Variants in LIPI observed in about 807,000 individuals in gnomAD.
LIPI encodes lipase I.
LIPI carries 59 observed loss-of-function variants against 50.6 expected under a neutral mutation model. The observed-to-expected ratio is 1.16, with a 90% CI of 0.94 to 1.45. The LOEUF (loss-of-function observed/expected upper bound fraction) is 1.45. Ranked by LOEUF, LIPI falls within the 40% of genes most tolerant of loss-of-function variation. The pLI is 0.00. For synonymous variants in LIPI, 203 were observed against 178.2 expected (o/e 1.14, Z -1.11); for missense variants, 586 against 536.3 (o/e 1.09, Z -0.92).
chr21:14,136,057 C>T (rs1287430499), intron 9 of LIPI, among the ~76,000 whole-genome samples: 1 of 152,178 alleles, frequency 6.6e-6, no homozygotes, highest in Non-Finnish European at 1.5e-5. Context: ...CATTTCTAGA[C>T]ATGCCCTGGC....
intron 9 of LIPI, among the ~76,000 whole-genome samples, chr21:14,135,196 C>A (rs920073331): frequency 1.3e-5 from 2 of 152,130 alleles, no homozygotes; most frequent in African/African-American, 2.4e-5. Flanking sequence ...CAGTTGACAT[C>A]ACTAATCATC....
chr21:14,161,877 ATATAT>A (rs1281985350), intron 7 of LIPI, among the ~76,000 whole-genome samples: 5 of 126,152 alleles, frequency 4.0e-5, no homozygotes, highest in African/African-American at 5.8e-5. Context: ...ATAATATAAC[ATATAT>A]TATATTAATA....
At chr21:14,204,317 G>A (rs1470868111) in intron 1 of LIPI, among the ~76,000 whole-genome samples, 1 of 150,486 alleles carries the variant, frequency 6.6e-6, no homozygotes, top group Non-Finnish European at 1.5e-5. Context: ...GGTTTGGGAG[G>A]AGAGAGAGAA....
At chr21:14,124,618 T>C (rs2016986043) in intron 9 of LIPI, among the ~76,000 whole-genome samples, 1 of 152,232 alleles carries the variant, frequency 6.6e-6, no homozygotes, top group Non-Finnish European at 1.5e-5. Context: ...TGTAAAAGAC[T>C]GATCAACTGC....
intron 4 of LIPI, among the ~76,000 whole-genome samples, chr21:14,178,265 C>A (rs2019159399): frequency 6.6e-6 from 1 of 152,052 alleles, no homozygotes; most frequent in Non-Finnish European, 1.5e-5. Flanking sequence ...GAGATAATAT[C>A]TCTTTAAATA....
chr21:14,210,601 A>T (rs1185978033), intron 1 of LIPI, among the ~76,000 whole-genome samples, 199 bp downstream of exon 1: 1 of 151,712 alleles, frequency 6.6e-6, no homozygotes, highest in Non-Finnish European at 1.5e-5. Flanking sequence ...GCAAAATGTC[A>T]ACTTATTAAA....
chr21:14,145,771 G>C (rs1379616052), intron 8 of LIPI, among the ~76,000 whole-genome samples: 1 of 152,100 alleles, frequency 6.6e-6, no homozygotes, highest in Non-Finnish European at 1.5e-5. Context: ...CAACAACTTG[G>C]TTAATCAAAG....
chr21:14,134,074 T>TA (rs999578105), intron 9 of LIPI, among the ~76,000 whole-genome samples: 2 of 151,350 alleles, frequency 1.3e-5, no homozygotes, highest in Admixed American at 6.6e-5. Flanking sequence ...AAAATAATTT[T>TA]AAAAAAAATA....
intron 9 of LIPI, among the ~76,000 whole-genome samples, chr21:14,135,758 C>T (rs915277931): frequency 6.6e-6 from 1 of 152,178 alleles, no homozygotes; most frequent in African/African-American, 2.4e-5. Flanking sequence ...GTAGGTGAGT[C>T]CTAGGGCTGA....
chr21:14,181,378 T>C (rs1243009089), intron 4 of LIPI, among the ~76,000 whole-genome samples: 2 of 152,090 alleles, frequency 1.3e-5, no homozygotes, highest in Non-Finnish European at 2.9e-5. Flanking sequence ...TCGATATATA[T>C]CATAGCAAGA....
intron 9 of LIPI, among the ~76,000 whole-genome samples, chr21:14,111,178 A>T (rs1460252715): frequency 1.3e-5 from 2 of 151,904 alleles, no homozygotes; most frequent in Non-Finnish European, 2.9e-5. Context: ...TTTTCCTAAC[A>T]ACTTTTCTAA....
intron 9 of LIPI, among the ~76,000 whole-genome samples, chr21:14,125,715 G>T (rs973205749): frequency 3.4e-5 from 4 of 118,718 alleles, no homozygotes; most frequent in African/African-American, 1.2e-4. Context: ...GTGCCACAAT[G>T]CCTACGTAAT....
chr21:14,185,169 C>T (rs1263663889), intron 3 of LIPI, among the ~76,000 whole-genome samples: 1 of 152,154 alleles, frequency 6.6e-6, no homozygotes, highest in Non-Finnish European at 1.5e-5. Context: ...GATGACTGAG[C>T]TTCCTGGATG....
chr21:14,149,828 A>C (rs2018028037), intron 8 of LIPI, among the ~76,000 whole-genome samples: 1 of 152,176 alleles, frequency 6.6e-6, no homozygotes, highest in South Asian at 2.1e-4. Context: ...AGCTTTAGGC[A>C]GCTCCACCCC....
chr21:14,120,828 G>A (rs1387148980), intron 9 of LIPI, among the ~76,000 whole-genome samples: 1 of 152,164 alleles, frequency 6.6e-6, no homozygotes, highest in East Asian at 1.9e-4. Flanking sequence ...GAACACACAT[G>A]GGGAAGACAG....
At chr21:14,117,057 G>C (rs564060785) in intron 9 of LIPI, among the ~76,000 whole-genome samples, 1 of 152,116 alleles carries the variant, frequency 6.6e-6, no homozygotes, top group Non-Finnish European at 1.5e-5. Context: ...CCCACTGCTT[G>C]ATAAATCAAA....
chr21:14,166,555 T>C, intron 4 of LIPI, 104 bp from the exon 5 acceptor site: 2 of 714,776 alleles, frequency 2.8e-6, no homozygotes, highest in South Asian at 3.1e-5. Context: ...ACTCTTTAAA[T>C]ATTAGAATTG....
rs1231119216 is a variant in LIPI, at chr21:14,167,790, C to CAGAGCAGAAAA, written c.644-1340_644-1339insTTTTCTGCTCT. ...AAAAACAGAGCAGAAAAACTGGAAA[C>CAGAGCAGAAAA]TCTAAAAAGCAGAGTGCCTCTCCTC... On this transcript the variant is annotated intron_variant, in intron 4 of 9. Transcript: ENST00000681601. 3.1e-4 allele frequency among the ~76,000 whole-genome samples: 47 copies of CAGAGCAGAAAA among 152,258 alleles called. 1 individual carries two copies. The highest frequency in any genetic ancestry group is 1.0e-3 in the African/African-American group (43 of 41,558).
intron 1 of LIPI, among the ~76,000 whole-genome samples, chr21:14,189,745 A>G (rs1258009006): frequency 1.3e-5 from 2 of 152,144 alleles, no homozygotes; most frequent in Non-Finnish European, 2.9e-5. Flanking sequence ...AAGTTGATAC[A>G]TTGATTATAA....
Sources: allele counts gnomAD v4.1 joint callset (sites outside exome capture counted in the v4.1 genomes callset), GRCh38; gene constraint gnomAD v4.1.1; transcripts MANE v1.5; gene names NCBI Gene and HGNC (gene_info 2026-07-23, HGNC 2026-07-21).